The following SPOCK1 variants were observed in gnomAD, a reference collection of about 807,000 sequenced individuals.
SPOCK1 encodes the protein SPARC (osteonectin), cwcv and kazal like domains proteoglycan 1, also known as testican-1.
In SPOCK1, 23 loss-of-function variants were observed where a neutral mutation model predicts 55.3. That is an observed-to-expected ratio of 0.42 (90% CI 0.30 to 0.59). SPOCK1 has a LOEUF of 0.59. Among genes scored for constraint, SPOCK1 ranks in the 20% least tolerant of loss-of-function variants. The probability of loss-of-function intolerance (pLI) is 0.22; values close to 1 mark genes in which losing one functional copy is unlikely to be tolerated. For synonymous variants in SPOCK1, 226 were observed against 221.0 expected, an observed-to-expected ratio of 1.02 and a Z score of -0.20; for missense variants, 499 against 552.5, an observed-to-expected ratio of 0.90 and a Z score of 0.97.
At chr5:137,462,056 C>T (rs547717917) in intron 2 of SPOCK1, among the ~76,000 whole-genome samples, 2 of 152,282 alleles carry the variant, frequency 1.3e-5, no homozygotes, top group East Asian at 1.9e-4. Context: ...AAGGGGTTAA[C>T]GCCCAACCTG....
intron 2 of SPOCK1, among the ~76,000 whole-genome samples, chr5:137,269,648 A>G (rs1382890163): frequency 6.6e-6 from 1 of 152,188 alleles, no homozygotes; most frequent in Non-Finnish European, 1.5e-5. Flanking sequence ...GGCTGCATCA[A>G]TTAAGTCACT....
At chr5:137,474,319 G>C (rs1475256467) in intron 2 of SPOCK1, among the ~76,000 whole-genome samples, 1 of 152,090 alleles carries the variant, frequency 6.6e-6, no homozygotes, top group Admixed American at 6.5e-5. Flanking sequence ...ATACACCGTA[G>C]AATACAATAA....
intron 6 of SPOCK1, among the ~76,000 whole-genome samples, chr5:137,005,564 G>A (rs1751232270): frequency 6.6e-6 from 1 of 152,102 alleles, no homozygotes. Flanking sequence ...GGAGAGATAA[G>A]GAGTCAATGA....
chr5:137,326,812 G>A (rs1453276074), intron 2 of SPOCK1, among the ~76,000 whole-genome samples: 1 of 152,146 alleles, frequency 6.6e-6, no homozygotes, highest in Non-Finnish European at 1.5e-5. Flanking sequence ...TTTTAATCTG[G>A]AGATTACCTG....
At chr5:137,427,326 T>C (rs1168424754) in intron 2 of SPOCK1, among the ~76,000 whole-genome samples, 2 of 152,180 alleles carry the variant, frequency 1.3e-5, no homozygotes, top group African/African-American at 2.4e-5. Flanking sequence ...ACTTTTATGC[T>C]TGGGCCCAAA....
At chr5:137,448,529 C>T (rs1006721645) in intron 2 of SPOCK1, among the ~76,000 whole-genome samples, 6 of 152,108 alleles carry the variant, frequency 3.9e-5, no homozygotes, top group African/African-American at 9.7e-5. Context: ...TGGGCTACAG[C>T]GGCCAGGACT....
intron 2 of SPOCK1, among the ~76,000 whole-genome samples, chr5:137,287,102 C>T (rs1377620787): frequency 1.3e-5 from 2 of 152,192 alleles, no homozygotes; most frequent in African/African-American, 2.4e-5. Flanking sequence ...TCAGTTGGTC[C>T]TGCAAGCTCC....
At chr5:137,125,938 T>C (rs1395108666) in intron 4 of SPOCK1, among the ~76,000 whole-genome samples, 1 of 152,230 alleles carries the variant, frequency 6.6e-6, no homozygotes, top group African/African-American at 2.4e-5. Context: ...GAGAAAGCTT[T>C]GATCGCCTTA....
intron 5 of SPOCK1, among the ~76,000 whole-genome samples, chr5:137,101,520 A>G (rs1358251960): frequency 1.3e-5 from 2 of 152,274 alleles, no homozygotes; most frequent in Non-Finnish European, 1.5e-5. Context: ...ATGAAAACCT[A>G]TTCTTCAAAT....
chr5:136,998,000 C>A (rs1751078146), intron 6 of SPOCK1, among the ~76,000 whole-genome samples: 1 of 151,792 alleles, frequency 6.6e-6, no homozygotes, highest in Non-Finnish European at 1.5e-5. Context: ...TCAATTTTTC[C>A]ATCTGCAAAA....
chr5:137,095,382 A>T (rs1463885669), intron 5 of SPOCK1, among the ~76,000 whole-genome samples: 1 of 152,216 alleles, frequency 6.6e-6, no homozygotes, highest in Non-Finnish European at 1.5e-5. Context: ...ATAAAAGAAC[A>T]TTCATTAAAA....
rs189474523 is a variant in SPOCK1, at chr5:137,294,254, A to G, written c.187-27199T>C. ...AATTGAGAGTTAGCTGTACTAGATC[A>G]TATTTATTTCCATCATGAGAAAAAC... On this transcript the variant is annotated intron_variant, in intron 2 of 10. Coordinates refer to ENST00000394945, the MANE Select transcript of SPOCK1 (RefSeq NM_004598.4). Among the ~76,000 whole-genome samples, 183 of 152,372 alleles carry G rather than the reference A, an allele frequency of 1.2e-3. 4 individuals are homozygous for G. The Middle Eastern group carries it at 0.014, about 11-fold the overall frequency.
intron 2 of SPOCK1, among the ~76,000 whole-genome samples, chr5:137,412,068 G>A (rs2149822544): frequency 6.6e-6 from 1 of 152,314 alleles, no homozygotes; most frequent in South Asian, 2.1e-4. Context: ...AATGTGAAGA[G>A]TTGAGGGGAA....
chr5:137,160,607 A>AATATATAATATATT (rs1561631790), intron 3 of SPOCK1, among the ~76,000 whole-genome samples: 1,050 of 63,006 alleles, frequency 0.017, 38 homozygotes, highest in African/African-American at 0.068. Flanking sequence ...TATTATATAT[A>AATATATAATATATT]ATATATAATA....
chr5:136,976,007 T>A lies in SPOCK1; in HGVS notation c.*2647A>T, dbSNP rs1019143503. The A allele has an allele frequency of 1.3e-5, 2 of 152,228 alleles. No homozygotes were observed. Among genetic ancestry groups the A allele is most frequent in the Non-Finnish European group, 2.9e-5 (2 of 68,042 alleles). 9.4% of individuals were successfully genotyped at this position (152,228 alleles called of 1,614,324 possible). Reference sequence around the variant, plus strand: ...GTGGTTTATTACAATATTTTTATAATCAGTATTTTATGTGTACTTGGTCAC... The same window carrying A: ...GTGGTTTATTACAATATTTTTATAAACAGTATTTTATGTGTACTTGGTCAC... On this transcript the variant is annotated 3_prime_UTR_variant, in exon 11 of 11. Coordinates refer to ENST00000394945, the MANE Select transcript of SPOCK1 (RefSeq NM_004598.4).
intron 6 of SPOCK1, chr5:136,992,907 T>C (rs1750975333): frequency 4.0e-6 from 1 of 253,118 alleles, no homozygotes; most frequent in African/African-American, 2.2e-5. Context: ...CAATCACAGA[T>C]CACTTTTGCT....
intron 2 of SPOCK1, among the ~76,000 whole-genome samples, chr5:137,435,201 T>A (rs1752834312): frequency 6.6e-6 from 1 of 152,228 alleles, no homozygotes; most frequent in Non-Finnish European, 1.5e-5. Flanking sequence ...TTTTTAAACT[T>A]TCATCAATAA....
At chr5:137,434,443 T>C (rs62374222) in intron 2 of SPOCK1, among the ~76,000 whole-genome samples, 54,635 of 148,856 alleles carry the variant, frequency 0.37, 10,856 homozygotes, top group East Asian at 0.64. Flanking sequence ...TTAAAAGTGA[T>C]TGAGAAAAAG....
At chr5:137,268,767 TGCTCTCTCCACATACAGA>T (rs1756906377) in intron 2 of SPOCK1, among the ~76,000 whole-genome samples, 1 of 152,202 alleles carries the variant, frequency 6.6e-6, no homozygotes, top group African/African-American at 2.4e-5. Context: ...GGTTTATCAA[TGCTCTCTCCACATACAGA>T]GGATGGCATC....
Sources: allele counts gnomAD v4.1 joint callset (sites outside exome capture counted in the v4.1 genomes callset), GRCh38; gene constraint gnomAD v4.1.1; transcripts MANE v1.5; gene names NCBI Gene and HGNC (gene_info 2026-07-23, HGNC 2026-07-21).